The following ROBO1 variants were observed in gnomAD, a reference collection of about 807,000 sequenced individuals.
The protein encoded by ROBO1 is roundabout guidance receptor 1.
ROBO1 carries 149 observed loss-of-function variants against 195.9 expected under a neutral mutation model. That is an observed-to-expected ratio of 0.76 (90% CI 0.67 to 0.87). The LOEUF (loss-of-function observed/expected upper bound fraction) is 0.87. ROBO1 is among the 40% of genes least tolerant of loss of function. The probability of loss-of-function intolerance (pLI) is 0.00; values close to 1 mark genes in which losing one functional copy is unlikely to be tolerated. For synonymous variants in ROBO1, 816 were observed against 733.2 expected (o/e 1.11, Z -1.82); for missense variants, 1,933 against 2,068.3 (o/e 0.93, Z 1.27).
chr3:79,369,415 C>T (rs2036104915), intron 2 of ROBO1, among the ~76,000 whole-genome samples: 2 of 152,196 alleles, frequency 1.3e-5, no homozygotes, highest in Non-Finnish European at 2.9e-5. Context: ...AGCTATAAAA[C>T]TGTCTTCTTC....
At chr3:78,908,947 AAAAG>A (rs2038085290) in intron 4 of ROBO1, among the ~76,000 whole-genome samples, 1 of 151,916 alleles carries the variant, frequency 6.6e-6, no homozygotes, top group Admixed American at 6.6e-5. Flanking sequence ...TTATACTGAT[AAAAG>A]CACTAAAAAC....
intron 8 of ROBO1, among the ~76,000 whole-genome samples, chr3:78,697,174 T>C (rs1031024267): frequency 1.3e-5 from 2 of 150,804 alleles, no homozygotes; most frequent in African/African-American, 4.9e-5. Context: ...GTACTAAGAA[T>C]ATACATTGCT....
At chr3:79,548,400 A>G (rs888985883) in intron 2 of ROBO1, among the ~76,000 whole-genome samples, 4 of 152,194 alleles carry the variant, frequency 2.6e-5, no homozygotes, top group African/African-American at 9.7e-5. Context: ...GAGAATGCAT[A>G]AATAATTGTT....
chr3:79,188,278 G>C (rs1287143358), intron 2 of ROBO1, among the ~76,000 whole-genome samples: 1 of 151,812 alleles, frequency 6.6e-6, no homozygotes, highest in Non-Finnish European at 1.5e-5. Context: ...ATGTGGAGAG[G>C]AAAGGCTGTT....
chr3:79,508,410 C>T (rs905800546), intron 2 of ROBO1, among the ~76,000 whole-genome samples: 11 of 152,098 alleles, frequency 7.2e-5, no homozygotes, highest in African/African-American at 2.2e-4. Context: ...CTTCTAGCCT[C>T]GAAAATTGTA....
intron 3 of ROBO1, among the ~76,000 whole-genome samples, chr3:79,077,065 T>C (rs753094192): frequency 8.6e-5 from 13 of 152,036 alleles, no homozygotes; most frequent in Non-Finnish European, 1.9e-4. Flanking sequence ...TATGTATTCA[T>C]TGTGTAATGA....
chr3:79,465,708 T>C (rs1024855960), intron 2 of ROBO1, among the ~76,000 whole-genome samples: 1 of 152,122 alleles, frequency 6.6e-6, no homozygotes, highest in East Asian at 1.9e-4. Context: ...GGGTCTTTTT[T>C]TAAAATTATT....
At chr3:79,447,618 T>C (rs1361138272) in intron 2 of ROBO1, among the ~76,000 whole-genome samples, 2 of 152,176 alleles carry the variant, frequency 1.3e-5, no homozygotes, top group Non-Finnish European at 2.9e-5. Flanking sequence ...TAAATTGATT[T>C]GAGTACAGCA....
At chr3:79,179,492 T>C (rs2081306914) in intron 2 of ROBO1, among the ~76,000 whole-genome samples, 1 of 152,172 alleles carries the variant, frequency 6.6e-6, no homozygotes, top group African/African-American at 2.4e-5. Context: ...ATTGCAGACA[T>C]CAGTAATAAC....
intron 1 of ROBO1, among the ~76,000 whole-genome samples, chr3:79,696,269 G>A (rs369696906): frequency 1.2e-4 from 18 of 150,992 alleles, no homozygotes; most frequent in Non-Finnish European, 2.2e-4. Flanking sequence ...TCTGGATTCC[G>A]TTACTTTTCC....
intron 1 of ROBO1, among the ~76,000 whole-genome samples, chr3:79,613,611 T>C (rs1944731217): frequency 6.6e-6 from 1 of 151,946 alleles, no homozygotes; most frequent in Non-Finnish European, 1.5e-5. Flanking sequence ...TCAGATTAGA[T>C]GAAAAAACAA....
At chr3:78,662,243 G>GTA in intron 14 of ROBO1, 129 bp from the exon 15 acceptor site, 2 of 555,604 alleles carry the variant, frequency 3.6e-6, no homozygotes, top group Non-Finnish European at 2.6e-6. Context: ...GCTGTGATTC[G>GTA]GAAAAAAAAA....
chr3:79,645,449 C>G (rs184635098), intron 1 of ROBO1, among the ~76,000 whole-genome samples: 60 of 152,148 alleles, frequency 3.9e-4, no homozygotes, highest in Non-Finnish European at 6.8e-4. Context: ...CTGCAGTGAG[C>G]TATGATCTTG....
At chr3:78,679,526 A>G (rs1244590865) in intron 10 of ROBO1, among the ~76,000 whole-genome samples, 2 of 152,182 alleles carry the variant, frequency 1.3e-5, no homozygotes, top group African/African-American at 4.8e-5. Context: ...ATTCTTATAC[A>G]CCAATAACAG....
intron 3 of ROBO1, among the ~76,000 whole-genome samples, chr3:79,040,232 G>T (rs1387249144): frequency 6.6e-6 from 1 of 152,156 alleles, no homozygotes; most frequent in Non-Finnish European, 1.5e-5. Flanking sequence ...CTTCACTGGG[G>T]ATGTACGTCG....
chr3:78,883,407 G>C (rs1247039553), intron 4 of ROBO1, among the ~76,000 whole-genome samples: 3 of 151,278 alleles, frequency 2.0e-5, no homozygotes, highest in Admixed American at 2.0e-4. Context: ...TTATAAACAG[G>C]CTCTCACTCT....
intron 2 of ROBO1, among the ~76,000 whole-genome samples, chr3:79,276,096 C>T (rs963373388): frequency 6.6e-6 from 1 of 151,948 alleles, no homozygotes; most frequent in Non-Finnish European, 1.5e-5. Flanking sequence ...ATATCAATGA[C>T]ATTCTTCACA....
chr3:79,577,717 AAC>A (rs58998352), intron 2 of ROBO1, among the ~76,000 whole-genome samples: 4,893 of 140,476 alleles, frequency 0.035, 167 homozygotes, highest in East Asian at 0.1. Flanking sequence ...CTTTACTAAA[AAC>A]ACACACACAC....
chr3:79,254,942 T>G (rs1012158928), intron 2 of ROBO1, among the ~76,000 whole-genome samples: 3 of 152,138 alleles, frequency 2.0e-5, no homozygotes, highest in African/African-American at 7.2e-5. Flanking sequence ...CAGGGGTACA[T>G]GAGCAAATGA....
Sources: allele counts gnomAD v4.1 joint callset (sites outside exome capture counted in the v4.1 genomes callset), GRCh38; gene constraint gnomAD v4.1.1; transcripts MANE v1.5; gene names NCBI Gene and HGNC (gene_info 2026-07-23, HGNC 2026-07-21).